Variants in SETDB1 observed in about 807,000 individuals in gnomAD.
SETDB1 encodes histone-lysine N-methyltransferase SETDB1.
A neutral mutation model predicts 137.4 loss-of-function variants in SETDB1; 31 were observed. The ratio of observed to expected loss-of-function variants is 0.23; its 90% CI spans 0.17 to 0.30. The LOEUF (loss-of-function observed/expected upper bound fraction) is 0.30. SETDB1 is among the 10% of genes least tolerant of loss of function. The pLI is 1.00. For missense variants in SETDB1, 1,113 were observed against 1,631.5 expected, an observed-to-expected ratio of 0.68 and a Z score of 5.47; for synonymous variants, 548 against 579.9, an observed-to-expected ratio of 0.95 and a Z score of 0.79.
intron 18 of SETDB1, 84 bp from the exon 19 acceptor site, chr1:150,962,890 C>A (rs1034693851): frequency 1.3e-6 from 2 of 1,537,506 alleles, no homozygotes; most frequent in South Asian, 1.2e-5. Flanking sequence ...ACCGCCCTTT[C>A]CTGCCAAACC....
chr1:150,963,921 C>G, intron 20 of SETDB1, 74 bp from the exon 21 acceptor site: 3 of 1,437,504 alleles, frequency 2.1e-6, no homozygotes, highest in Admixed American at 3.4e-5. Flanking sequence ...CATTTTTCTT[C>G]CAACTCTCAC....
At position 150,949,542 on chromosome 1, in the gene SETDB1, C is replaced by T; in HGVS notation, c.1583+17C>T. 6.2e-7 allele frequency: 1 copy of T among 1,612,626 alleles called. No homozygotes were observed. Among genetic ancestry groups the T allele is most frequent in the Non-Finnish European group, 8.5e-7 (1 of 1,178,960 alleles). On this transcript the variant is annotated intron_variant, in intron 12 of 21. Transcript: ENST00000692827. ...GACATATAGGTGAGAAAATCTGAGG[C>T]TCTCTGTAGGCAGGATAGCAATGAG...
intron 3 of SETDB1, among the ~76,000 whole-genome samples, chr1:150,932,221 A>G (rs1206674512): frequency 6.7e-6 from 1 of 149,596 alleles, no homozygotes; most frequent in Non-Finnish European, 1.5e-5. Flanking sequence ...CCCCTTCTCT[A>G]ATTTTTTTTT....
At chr1:150,940,372 C>T (rs1670097369) in intron 4 of SETDB1, among the ~76,000 whole-genome samples, 1 of 151,712 alleles carries the variant, frequency 6.6e-6, no homozygotes, top group Admixed American at 6.6e-5. Flanking sequence ...TCAAGACCAG[C>T]CTGGCCAAAA....
At chr1:150,949,974 C>CTGAG (rs1670447946) in intron 12 of SETDB1, among the ~76,000 whole-genome samples, 1 of 152,196 alleles carries the variant, frequency 6.6e-6, no homozygotes, top group Non-Finnish European at 1.5e-5. Context: ...TGGCTCATGC[C>CTGAG]TGTAATCCCA....
At position 150,964,261 on chromosome 1, in the gene SETDB1, G is replaced by A; in HGVS notation, c.3776G>A (p.Gly1259Glu). The stretch of plus-strand genomic sequence containing the variant: ...TTCCTCTTCAGAAGAATCCGGGCTG[G>A]GACAGAACTTACTTGGGACTACAAC... ...AFFASKRIRA[G>E]TELTWDYNYE... The change falls in exon 22 of 22, where the codon GGG (glycine) becomes GAG (glutamate). Residue 1259 changes from glycine to glutamate, a missense_variant. Gly to Glu is a moderately conservative substitution (Grantham distance 98, BLOSUM62 -2). This residue lies in a region of SETDB1 where 37 missense variants were observed against 123.2 expected (regional missense o/e 0.30). Transcript: ENST00000692827. 1 of 1,614,028 alleles carries A rather than the reference G, an allele frequency of 6.2e-7. No individual in the cohort carries two copies.
At position 150,960,993 on chromosome 1, in the gene SETDB1, C is replaced by G. The variant is rs1185972710; in HGVS notation, c.2934C>G (p.Pro978=). The G allele has an allele frequency of 1.2e-6, 2 of 1,613,890 alleles. No individual in the cohort carries two copies. The highest frequency in any genetic ancestry group is 1.3e-5 in the African/African-American group (1 of 74,928). The part of the protein sequence containing the change: ...GCNPPSSEET[P]KNKVASWLSC... Reference sequence around the variant, plus strand: ...ATCCACCTTCCTCCGAAGAGACACCCAAGAACAAGGTGGCCTCATGGTTGA... The same window carrying G: ...ATCCACCTTCCTCCGAAGAGACACCGAAGAACAAGGTGGCCTCATGGTTGA... Residue 978 remains proline (P), a synonymous_variant, in exon 16 of 22, where the codon CCC becomes CCG. Transcript: ENST00000692827.
chr1:150,946,765 A>G (rs587762434), intron 9 of SETDB1, 121 bp from the exon 10 acceptor site: 1 of 1,167,032 alleles, frequency 8.6e-7, no homozygotes, highest in African/African-American at 1.5e-5. Flanking sequence ...TAGACTAAGG[A>G]ATTTAAGGCT....
At chr1:150,935,337 T>C (rs1669912942) in intron 3 of SETDB1, among the ~76,000 whole-genome samples, 1 of 152,212 alleles carries the variant, frequency 6.6e-6, no homozygotes, top group Non-Finnish European at 1.5e-5. Context: ...TCTTTCTTAA[T>C]CCTACTTGAG....
intron 15 of SETDB1, among the ~76,000 whole-genome samples, 168 bp downstream of exon 15, chr1:150,959,515 C>T (rs887920205): frequency 3.3e-5 from 5 of 151,968 alleles, no homozygotes; most frequent in Admixed American, 2.6e-4. Context: ...TCTAGCTAGA[C>T]CAGAGAGGGA....
intron 2 of SETDB1, 37 bp downstream of exon 2, chr1:150,928,011 A>T (rs762005620): frequency 6.3e-7 from 1 of 1,597,172 alleles, no homozygotes; most frequent in Non-Finnish European, 8.6e-7. Context: ...AAATCTCTCC[A>T]TTGGGAGATG....
intron 15 of SETDB1, 145 bp from the exon 16 acceptor site, chr1:150,960,418 A>C (rs1272507852): frequency 1.5e-6 from 1 of 648,634 alleles, no homozygotes; most frequent in East Asian, 2.8e-5. Flanking sequence ...CAGAGGTTGC[A>C]GTGAGCCGAG....
At chr1:150,956,150 G>GCCTGTAATCCCA (rs1241619336) in intron 14 of SETDB1, among the ~76,000 whole-genome samples, 1 of 150,050 alleles carries the variant, frequency 6.7e-6, no homozygotes, top group Non-Finnish European at 1.5e-5. Flanking sequence ...CACTTTGGGA[G>GCCTGTAATCCCA]GCCGAGACAG....
At chr1:150,954,634 T>TAA (rs1406860827) in intron 14 of SETDB1, among the ~76,000 whole-genome samples, 1 of 152,084 alleles carries the variant, frequency 6.6e-6, no homozygotes, top group Non-Finnish European at 1.5e-5. Context: ...TAGAACACGT[T>TAA]AAAAAATAGA....
chr1:150,958,599 T>G (rs1239654555), intron 14 of SETDB1, among the ~76,000 whole-genome samples: 1 of 152,138 alleles, frequency 6.6e-6, no homozygotes, highest in Non-Finnish European at 1.5e-5. Context: ...CTCTTGGTGT[T>G]TAATAATTGT....
At chr1:150,930,701 C>G (rs1459654538) in intron 3 of SETDB1, among the ~76,000 whole-genome samples, 2 of 151,470 alleles carry the variant, frequency 1.3e-5, no homozygotes, top group African/African-American at 2.4e-5. Flanking sequence ...CCACACCCAG[C>G]TAATTTTTGT....
intron 18 of SETDB1, 120 bp downstream of exon 18, chr1:150,962,839 G>A (rs1670865856): frequency 6.9e-7 from 1 of 1,452,526 alleles, no homozygotes; most frequent in South Asian, 1.3e-5. Context: ...TTGACTTCCT[G>A]CCTTATTTTC....
At position 150,930,073 on chromosome 1, in the gene SETDB1, A is replaced by T; in HGVS notation, c.367A>T (p.Ile123Phe). 1 of 1,614,116 alleles carries T rather than the reference A, an allele frequency of 6.2e-7. No individual in the cohort carries two copies. The highest frequency in any genetic ancestry group is 8.5e-7 in the Non-Finnish European group (1 of 1,179,974). The part of the protein sequence containing the change: ...EDESSRPTEI[I>F]EIPDEDDDVL... ...CGAATCTTCCCGGCCTACAGAAATAATTGAGATTCCTGATGAAGATGATGA... is the reference window on the plus strand; with the variant it reads ...CGAATCTTCCCGGCCTACAGAAATATTTGAGATTCCTGATGAAGATGATGA... The change falls in exon 3 of 22, where the codon ATT becomes TTT. Residue 123 changes from isoleucine to phenylalanine, a missense_variant. Ile to Phe is a conservative substitution (Grantham distance 21). Transcript: ENST00000692827.
rs1233654895 is a variant in SETDB1, at chr1:150,942,928, T to G, written c.750T>G (p.Asp250Glu). 6.2e-7 allele frequency: 1 copy of G among 1,613,998 alleles called. No individual in the cohort carries two copies. Among genetic ancestry groups the G allele is most frequent in the Non-Finnish European group, 8.5e-7 (1 of 1,179,934 alleles). ...TGTCGGGGAACCATATTGCCTATGA[T>G]TACCACCCTCCTGCTGACAAGCTGT... is the stretch of plus-strand genomic sequence containing the variant. ...SLLSGNHIAY[D>E]YHPPADKLYV... Residue 250 changes from aspartate to glutamate, a missense_variant, in exon 7 of 22, where the codon GAT (aspartate) becomes GAG (glutamate). Coordinates refer to ENST00000692827, the MANE Select transcript of SETDB1 (RefSeq NM_001366418.1).
Sources: allele counts gnomAD v4.1 joint callset (sites outside exome capture counted in the v4.1 genomes callset), GRCh38; gene constraint gnomAD v4.1.1; regional missense constraint gnomAD v4.1.1; transcripts MANE v1.5; gene names NCBI Gene and HGNC (gene_info 2026-07-23, HGNC 2026-07-21).